GRHL2: variants seen among roughly 807,000 people sequenced by gnomAD.
The protein encoded by GRHL2 is grainyhead like transcription factor 2.
In GRHL2, 21 loss-of-function variants were observed where a neutral mutation model predicts 83.8. The observed-to-expected ratio is 0.25, with a 90% confidence interval of 0.18 to 0.36. The LOEUF is 0.36. GRHL2 is among the 10% of genes least tolerant of loss of function. The pLI, the probability that GRHL2 is intolerant of heterozygous loss-of-function variation, is 1.00. For missense variants in GRHL2, 623 were observed against 781.8 expected, an observed-to-expected ratio of 0.80 and a Z score of 2.42; for synonymous variants, 280 against 278.9, an observed-to-expected ratio of 1.00 and a Z score of -0.04.
At chr8:101,634,764 A>G (rs1004243067) in intron 11 of GRHL2, among the ~76,000 whole-genome samples, 2 of 152,082 alleles carry the variant, frequency 1.3e-5, no homozygotes, top group Non-Finnish European at 2.9e-5. Context: ...GGGAGTGGGT[A>G]TTTCACTCTC....
chr8:101,542,871 A>G (rs1811184104), intron 1 of GRHL2: 2 of 458,852 alleles, frequency 4.4e-6, no homozygotes, highest in Non-Finnish European at 8.7e-6. Flanking sequence ...CTCCTTTGAT[A>G]ATGGCATTGA....
rs535427895 is a variant in GRHL2 at position 101,501,560 on chromosome 8, C to A, written c.20+8771C>A. On this transcript the variant is annotated intron_variant, in intron 1 of 15. Transcript: ENST00000646743. ...AAACTGCTTAACTACTGTTAAGTTG[C>A]CAGTGTTTTCTCAGTGGAGTGTGAG... is the stretch of plus-strand genomic sequence containing the variant. Among the ~76,000 whole-genome samples the A allele has an allele frequency of 1.3e-4, 20 of 152,154 alleles. 1 individual carries two copies. The South Asian group carries it at 4.2e-3, about 32-fold the overall frequency.
At chr8:101,549,342 T>C (rs1811331388) in intron 2 of GRHL2, among the ~76,000 whole-genome samples, 1 of 152,140 alleles carries the variant, frequency 6.6e-6, no homozygotes, top group East Asian at 1.9e-4. Flanking sequence ...GTTTTAAGTA[T>C]AATAGCAACA....
In GRHL2 at chr8:101,667,414, G is replaced by A. The variant is rs1481438915; in HGVS notation, c.*711G>A. 1 of 153,868 alleles carries A rather than the reference G, an allele frequency of 6.5e-6. No homozygotes were observed. The highest frequency in any genetic ancestry group is 2.4e-5 in the African/African-American group (1 of 41,452). The allele number at this position is 153,868 out of a possible 1,614,324, so 9.5% of individuals were successfully genotyped here. A position where few individuals can be genotyped will look rare whatever the true frequency, so the allele number is the denominator to read the frequency against. On this transcript the variant is annotated 3_prime_UTR_variant, in exon 16 of 16. Transcript: ENST00000646743. Reference sequence around the variant, plus strand: ...CATGTTTACTGCCACTGGCCTAGAGGAGACACAGACCTGGAGACCGTTTTA... The same window carrying A: ...CATGTTTACTGCCACTGGCCTAGAGAAGACACAGACCTGGAGACCGTTTTA...
At chr8:101,571,844 A>G (rs1811834866) in intron 5 of GRHL2, among the ~76,000 whole-genome samples, 1 of 152,140 alleles carries the variant, frequency 6.6e-6, no homozygotes, top group South Asian at 2.1e-4. Context: ...GCCTTCTAAA[A>G]TGTGGGAATA....
rs1810013771 is a variant in GRHL2 at position 101,493,434 on chromosome 8, CCCCCG to C, written c.20+648_20+652del. 9.1e-4 allele frequency among the ~76,000 whole-genome samples: 11 copies of C among 12,052 alleles called. No homozygotes were observed. The South Asian group carries it at 0.035, about 38-fold the overall frequency. The allele number at this position is 12,052 out of a possible 152,430, so 7.9% of individuals were successfully genotyped here. ...TCGACATCCCGCCTTCCTCCCCCCT[CCCCCG>C]CCTCCCTCCCCCGGGTCCGCCCCCG... On this transcript the variant is annotated intron_variant, in intron 1 of 15. Transcript: ENST00000646743.
At chr8:101,634,270 AAC>A (rs1563617958) in intron 11 of GRHL2, among the ~76,000 whole-genome samples, 1 of 152,144 alleles carries the variant, frequency 6.6e-6, no homozygotes, top group Non-Finnish European at 1.5e-5. Context: ...GCAAAAAAGG[AAC>A]ACACTCAGCT....
chr8:101,509,755 A>G (rs1003645939), intron 1 of GRHL2, among the ~76,000 whole-genome samples: 48 of 152,318 alleles, frequency 3.2e-4, no homozygotes, highest in African/African-American at 1.0e-3. Context: ...GTAGAAGGTT[A>G]AACTTACTAT....
At chr8:101,679,739 C>G in the GRHL2 span, among the ~76,000 whole-genome samples, 1 of 150,824 alleles carries the variant, frequency 6.6e-6, no homozygotes, top group Non-Finnish European at 1.5e-5. Flanking sequence ...GGCAGAAACC[C>G]TACAAGCCAG....
chr8:101,543,199 C>T (rs913630702), intron 1 of GRHL2, 42 bp from the exon 2 acceptor site: 31 of 1,502,832 alleles, frequency 2.1e-5, no homozygotes, highest in African/African-American at 1.5e-4. Context: ...AAAAAATTTG[C>T]TCTCTCTGAA....
In GRHL2 at chr8:101,666,834, G is replaced by A. The variant is rs1263689310; in HGVS notation, c.*131G>A. 1 of 718,230 alleles carries A rather than the reference G, an allele frequency of 1.4e-6. No individual in the cohort carries two copies. Among genetic ancestry groups the A allele is most frequent in the Non-Finnish European group, 2.6e-6 (1 of 392,084 alleles). 44.5% of individuals were successfully genotyped at this position (718,230 alleles called of 1,614,324 possible). A position where few individuals can be genotyped will look rare whatever the true frequency, so the allele number is the denominator to read the frequency against. ...AACTGCTGTTACAAGACCGTGCTGG[G>A]GAGTGGGGCAAGGGACAGGCCCCAC... On this transcript the variant is annotated 3_prime_UTR_variant, in exon 16 of 16. Transcript: ENST00000646743.
intron 5 of GRHL2, among the ~76,000 whole-genome samples, chr8:101,571,982 C>A (rs138467404): frequency 6.6e-6 from 1 of 152,126 alleles, no homozygotes; most frequent in African/African-American, 2.4e-5. Flanking sequence ...TCCAGCAGAG[C>A]GAGCATGTCT....
chr8:101,626,855 G>T (rs1024463077), intron 9 of GRHL2, among the ~76,000 whole-genome samples: 4 of 152,048 alleles, frequency 2.6e-5, no homozygotes, highest in African/African-American at 9.7e-5. Flanking sequence ...GGAAGGTCTT[G>T]CTCAAGGAAT....
chr8:101,497,541 T>G (rs2129958290), intron 1 of GRHL2, among the ~76,000 whole-genome samples: 1 of 152,318 alleles, frequency 6.6e-6, no homozygotes, highest in South Asian at 2.1e-4. Context: ...AATAGGAATC[T>G]CCACAGGAAT....
chr8:101,559,220 A>C (rs904815287), intron 4 of GRHL2, among the ~76,000 whole-genome samples: 2 of 152,034 alleles, frequency 1.3e-5, no homozygotes, highest in African/African-American at 4.8e-5. Context: ...TTAAAAAACA[A>C]TATAACTTTG....
chr8:101,567,534 A>G (rs146069238), intron 4 of GRHL2, among the ~76,000 whole-genome samples: 76 of 152,358 alleles, frequency 5.0e-4, no homozygotes, highest in African/African-American at 1.7e-3. Flanking sequence ...TAATTCTTTT[A>G]AAATTATAAA....
chr8:101,648,970 G>A (rs1162207909), intron 13 of GRHL2, among the ~76,000 whole-genome samples: 2 of 152,130 alleles, frequency 1.3e-5, no homozygotes, highest in Non-Finnish European at 2.9e-5. Flanking sequence ...TTCTCTAAAT[G>A]GACTGCAAAA....
rs559260227 is a variant in GRHL2 at position 101,624,157 on chromosome 8, C to T, written c.1257+4460C>T. On this transcript the variant is annotated intron_variant, in intron 9 of 15. Coordinates refer to ENST00000646743, the MANE Select transcript of GRHL2 (RefSeq NM_024915.4). ...TAGGACAGTTCACAGTAGGACAGTG[C>T]ACAGTAGGACAGTTCACAGTACACA... Among the ~76,000 whole-genome samples, 198 of 144,206 alleles carry T rather than the reference C, an allele frequency of 1.4e-3. 2 individuals are homozygous for T. Among genetic ancestry groups the T allele is most frequent in the African/African-American group, 4.5e-3 (168 of 37,370 alleles). The allele number at this position is 144,206 out of a possible 152,430, so 94.6% of individuals were successfully genotyped here.
chr8:101,649,628 G>T, intron 14 of GRHL2, 129 bp downstream of exon 14: 1 of 734,116 alleles, frequency 1.4e-6, no homozygotes. Flanking sequence ...AAAAACCTAA[G>T]ATTTGTGGAG....
Sources: gnomAD v4.1 joint callset for allele counts (sites outside exome capture counted in the v4.1 genomes callset) on GRCh38, gnomAD v4.1.1 for gene constraint, MANE v1.5 for transcripts, NCBI Gene and HGNC (gene_info 2026-07-23, HGNC 2026-07-21) for gene names.